Variants in ZNF185 observed in about 807,000 individuals in gnomAD.
ZNF185 encodes the protein zinc finger protein 185.
Under a neutral mutation model 58.6 loss-of-function variants are expected in ZNF185, and 56 were observed. The ratio of observed to expected loss-of-function variants is 0.95; its 90% confidence interval spans 0.77 to 1.19. The LOEUF is 1.19. Ranked by LOEUF, ZNF185 falls within the 50% of genes most tolerant of loss-of-function variation. The pLI is 0.00. For missense variants in ZNF185, 627 were observed against 573.5 expected, an observed-to-expected ratio of 1.09 and a Z score of -0.95; for synonymous variants, 230 against 215.9, an observed-to-expected ratio of 1.07 and a Z score of -0.57.
At chrX:152,931,254 C>T (rs1457981442) in intron 12 of ZNF185, among the ~76,000 whole-genome samples, 1 of 112,085 alleles carries the variant, frequency 8.9e-6, no homozygotes, top group Non-Finnish European at 1.9e-5. Context: ...GCCAATCTGT[C>T]AATCAGCAGG....
At chrX:152,959,980 A>G (rs893493324) in intron 17 of ZNF185, 84 bp downstream of exon 19, 11 of 947,657 alleles carry the variant, frequency 1.2e-5, no homozygotes, top group Admixed American at 5.9e-5. Context: ...ACCCCCACAC[A>G]CTAGGCATGC....
At chrX:152,922,423 G>A in intron 10 of ZNF185, among the ~76,000 whole-genome samples, 167 bp downstream of exon 11, 1 of 111,840 alleles carries the variant, frequency 8.9e-6, no homozygotes, top group South Asian at 3.8e-4. Context: ...CCATCTGGCT[G>A]GATGTCCCAG....
At chrX:152,960,163 G>A (rs1364032168) in intron 17 of ZNF185, among the ~76,000 whole-genome samples, 1 of 112,173 alleles carries the variant, frequency 8.9e-6, no homozygotes, top group Non-Finnish European at 1.9e-5. Context: ...CAGCCAGTTC[G>A]AACCTGGAAA....
At chrX:152,942,113 G>A (rs2047289105) in intron 15 of ZNF185, among the ~76,000 whole-genome samples, 1 of 112,510 alleles carries the variant, frequency 8.9e-6, no homozygotes, top group Non-Finnish European at 1.9e-5. Flanking sequence ...AGTGAGGAGG[G>A]GCTTCGTTCC....
Position 152,970,423 on chromosome X carries a change from C to T in ZNF185, c.1975-20C>T, listed in dbSNP as rs781879613. On this transcript the variant is annotated intron_variant, in intron 21 of 22. Transcript: ENST00000449285. ...TTGCTTTGCTTTGTGTGTTGACCTC[C>T]AGCTTGCTTTTCTTTTCAGTGTGGG... 8.3e-7 allele frequency: 1 copy of T among 1,202,379 alleles called. No individual in the cohort carries two copies. Among genetic ancestry groups the T allele is most frequent in the Non-Finnish European group, 1.1e-6 (1 of 887,714 alleles).
chrX:152,953,890 G>A (rs1392364967), intron 16 of ZNF185, among the ~76,000 whole-genome samples: 10 of 111,344 alleles, frequency 9.0e-5, no homozygotes, highest in African/African-American at 2.3e-4. Context: ...ACAGGCGTGC[G>A]CCACCATGCC....
At chrX:152,940,348 G>C (rs782622100) in intron 15 of ZNF185, among the ~76,000 whole-genome samples, 3 of 101,981 alleles carry the variant, frequency 2.9e-5, no homozygotes, top group South Asian at 4.7e-4. Context: ...GTATACATTA[G>C]TTAGGTCCAG....
chrX:152,923,306 A>G (rs1940157259), intron 11 of ZNF185, among the ~76,000 whole-genome samples: 1 of 111,876 alleles, frequency 8.9e-6, no homozygotes, highest in South Asian at 3.7e-4. Context: ...CCATTTATAG[A>G]CAGGTGACCA....
chrX:152,941,940 G>T, intron 15 of ZNF185: 1 of 1,006,951 alleles, frequency 9.9e-7, no homozygotes. Flanking sequence ...CCTGCGGCTT[G>T]AGCTTGTTTC....
intron 17 of ZNF185, 91 bp downstream of exon 19, chrX:152,959,987 A>G (rs1556909026): frequency 1.1e-6 from 1 of 899,183 alleles, no homozygotes; most frequent in Non-Finnish European, 1.5e-6. Flanking sequence ...CACACTAGGC[A>G]TGCCTGTTTA....
At chrX:152,967,377 C>G in intron 20 of ZNF185, 139 bp downstream of exon 22, 1 of 556,663 alleles carries the variant, frequency 1.8e-6, no homozygotes, top group Non-Finnish European at 2.9e-6. Flanking sequence ...AGGACACTAC[C>G]GTAGGGTGGT....
chrX:152,963,732 A>C (rs180963871), intron 17 of ZNF185, 107 bp from the exon 20 acceptor site: 925 of 624,073 alleles, frequency 1.5e-3, no homozygotes, highest in Non-Finnish European at 2.1e-3. Flanking sequence ...GTCTTGGAGG[A>C]AGCTTCAAGA....
exon 18 of ZNF185, chrX:152,963,933 G>A: frequency 8.3e-7 from 1 of 1,211,148 alleles, no homozygotes; most frequent in African/African-American, 1.7e-5. Context: ...AAGTGAATTG[G>A]ACTCCAGCTC....
rs967169537 is a variant in ZNF185 at position 152,931,593 on chromosome X, C to T, written c.918-79C>T. 70 of 858,351 alleles carry T rather than the reference C, an allele frequency of 8.2e-5. No individual in the cohort carries two copies. In the African/African-American group the frequency reaches 9.3e-4, roughly 11 times the overall value. The allele number at this position is 858,351 out of a possible 1,213,427, so 70.7% of individuals were successfully genotyped here. On this transcript the variant is annotated intron_variant, in intron 12 of 22. Coordinates refer to ENST00000449285, the Ensembl canonical transcript of ZNF185. ...TTTTAAGCTCCGTGGAGACAGCTGG[C>T]GTTTGAGGATGAGGTAACAGCCCAC...
intron 11 of ZNF185, among the ~76,000 whole-genome samples, chrX:152,924,189 A>T (rs1488608865): frequency 9.0e-6 from 1 of 111,503 alleles, no homozygotes; most frequent in East Asian, 2.8e-4. Context: ...GTCACCACTC[A>T]CTGCAGCCTC....
chrX:152,968,449 G>A (rs2050338173), intron 20 of ZNF185, among the ~76,000 whole-genome samples: 1 of 112,878 alleles, frequency 8.9e-6, no homozygotes, highest in African/African-American at 3.2e-5. Flanking sequence ...TTGCACACAT[G>A]CATATGCACA....
At chrX:152,903,043 C>T in the ZNF185 span, among the ~76,000 whole-genome samples, 3 of 111,226 alleles carry the variant, frequency 2.7e-5, no homozygotes, top group African/African-American at 9.8e-5. Context: ...GAATGGATGG[C>T]AGCAGTGGTG....
At position 152,952,200 on chromosome X, in the gene ZNF185, CA is replaced by C. The variant is rs782480083; in HGVS notation, c.1409+6737del. On this transcript the variant is annotated intron_variant, in intron 16 of 22. Transcript: ENST00000449285. Reference sequence around the variant, plus strand: ...ATGTAATGCTGATAACTCAAAGACACATAGGTGTCTATTAAACTAACAATAT... The same window carrying C: ...ATGTAATGCTGATAACTCAAAGACACTAGGTGTCTATTAAACTAACAATAT... 6.9e-4 allele frequency among the ~76,000 whole-genome samples: 78 copies of C among 112,288 alleles called. No homozygotes were observed. The East Asian group carries it at 0.02, about 29-fold the overall frequency.
intron 14 of ZNF185, among the ~76,000 whole-genome samples, chrX:152,937,211 G>A (rs1371432405): frequency 8.9e-6 from 1 of 112,040 alleles, no homozygotes; most frequent in African/African-American, 3.3e-5. Flanking sequence ...ATGGGTGGAC[G>A]TGGGGCAGGG....
Sources: gnomAD v4.1 joint callset for allele counts (sites outside exome capture counted in the v4.1 genomes callset) on GRCh38, gnomAD v4.1.1 for gene constraint, MANE v1.5 for transcripts, NCBI Gene and HGNC (gene_info 2026-07-23, HGNC 2026-07-21) for gene names.